Variants in GALNT13 observed in about 807,000 individuals in gnomAD.
The protein encoded by GALNT13 is UDP-GalNAc:polypeptide N-acetylgalactosaminyltransferase 13.
A neutral mutation model predicts 64.2 loss-of-function variants in GALNT13; 28 were observed. The ratio of observed to expected loss-of-function variants is 0.44; its 90% CI spans 0.32 to 0.60. The LOEUF is 0.60. Among genes scored for constraint, GALNT13 ranks in the 20% least tolerant of loss-of-function variants. The pLI, the probability that GALNT13 is intolerant of heterozygous loss-of-function variation, is 0.05. For missense variants in GALNT13, 577 were observed against 669.8 expected (o/e 0.86, Z 1.53); for synonymous variants, 214 against 224.6 (o/e 0.95, Z 0.42).
the GALNT13 span, among the ~76,000 whole-genome samples, chr2:153,841,733 A>G: frequency 6.6e-6 from 1 of 152,172 alleles, no homozygotes; most frequent in African/African-American, 2.4e-5. Flanking sequence ...GAGCATCTGT[A>G]TTATGGTTTG....
intron 12 of GALNT13, among the ~76,000 whole-genome samples, chr2:154,442,199 T>C (rs953799163): frequency 6.6e-6 from 1 of 152,152 alleles, no homozygotes; most frequent in Non-Finnish European, 1.5e-5. Flanking sequence ...ATATGGTCCA[T>C]TTAGCTAAAT....
At chr2:153,627,090 G>T in the GALNT13 span, among the ~76,000 whole-genome samples, 1 of 152,044 alleles carries the variant, frequency 6.6e-6, no homozygotes. Flanking sequence ...GAGCATTGTT[G>T]TGTGGGAATG....
chr2:154,036,000 G>T (rs181997656), intron 3 of GALNT13, among the ~76,000 whole-genome samples: 2 of 151,986 alleles, frequency 1.3e-5, no homozygotes, highest in East Asian at 3.9e-4. Context: ...CTTTTCTGAT[G>T]ATTTCATTGC....
intron 4 of GALNT13, among the ~76,000 whole-genome samples, chr2:154,240,112 A>T (rs545814475): frequency 6.6e-6 from 1 of 152,152 alleles, no homozygotes; most frequent in African/African-American, 2.4e-5. Context: ...AAACCTTTTG[A>T]CATTTTTTAA....
At position 154,332,849 on chromosome 2, in the gene GALNT13, A is replaced by G. The variant is rs140398252; in HGVS notation, c.1156+31260A>G. 9.5e-3 allele frequency among the ~76,000 whole-genome samples: 1,453 copies of G among 152,276 alleles called. 25 individuals carry two copies. Among genetic ancestry groups the G allele is most frequent in the African/African-American group, 0.033 (1,367 of 41,572 alleles). ...CAAATGAATGAAGAATAAGAAATCT[A>G]TCTTCTCATGTACATATTTTCACTA... On this transcript the variant is annotated intron_variant, in intron 9 of 12. Coordinates refer to ENST00000392825, the MANE Select transcript of GALNT13 (RefSeq NM_052917.4).
the GALNT13 span, among the ~76,000 whole-genome samples, chr2:153,764,608 C>A: frequency 5.3e-5 from 8 of 152,262 alleles, no homozygotes; most frequent in East Asian, 7.7e-4. Context: ...GAAAAGAAAA[C>A]CCCATTTTCA....
At chr2:153,982,800 C>T (rs1322786646) in intron 3 of GALNT13, among the ~76,000 whole-genome samples, 2 of 151,766 alleles carry the variant, frequency 1.3e-5, no homozygotes, top group East Asian at 3.9e-4. Context: ...TAATTTTATA[C>T]AAAAATAATC....
At chr2:154,325,824 A>T (rs1331753724) in intron 9 of GALNT13, among the ~76,000 whole-genome samples, 3 of 152,138 alleles carry the variant, frequency 2.0e-5, no homozygotes, top group Non-Finnish European at 2.9e-5. Context: ...TATGGTATAT[A>T]ACTAGCTTAG....
chr2:153,464,062 C>T, the GALNT13 span, among the ~76,000 whole-genome samples: 2 of 152,006 alleles, frequency 1.3e-5, no homozygotes, highest in African/African-American at 4.8e-5. Context: ...AAAGATTGTC[C>T]AGGCATCCCT....
the GALNT13 span, among the ~76,000 whole-genome samples, chr2:153,675,853 C>G: frequency 6.6e-6 from 1 of 152,020 alleles, no homozygotes; most frequent in Non-Finnish European, 1.5e-5. Flanking sequence ...ATTTTTGGGA[C>G]ATGGCTAAAG....
chr2:153,801,504 C>G, the GALNT13 span, among the ~76,000 whole-genome samples: 9 of 152,156 alleles, frequency 5.9e-5, no homozygotes, highest in South Asian at 2.1e-4. Context: ...GATGAATGAA[C>G]AGCTGGTAGG....
At chr2:153,524,743 T>C in the GALNT13 span, among the ~76,000 whole-genome samples, 1 of 152,154 alleles carries the variant, frequency 6.6e-6, no homozygotes, top group Admixed American at 6.5e-5. Flanking sequence ...AGTTGAAACT[T>C]GAGTTCCTAC....
rs1699261494 is a variant in GALNT13 at position 154,400,667 on chromosome 2, A to G, written c.1296+4537A>G. On this transcript the variant is annotated intron_variant, in intron 10 of 12. Transcript: ENST00000392825. ...GAATTACATGCAGTTTCCAATGGGA[A>G]GTTAAAAGCTGTGCAATTGCTTTGA... 2.6e-5 allele frequency among the ~76,000 whole-genome samples: 4 copies of G among 152,188 alleles called. No homozygotes were observed. In the South Asian group the frequency reaches 8.3e-4, roughly 31 times the overall value.
the GALNT13 span, among the ~76,000 whole-genome samples, chr2:153,431,160 A>C: frequency 2.8e-3 from 429 of 152,142 alleles, 4 homozygotes; most frequent in Non-Finnish European, 4.5e-3. Flanking sequence ...AAAAAAAAAA[A>C]AACAAAAAAA....
chr2:153,404,824 T>C, the GALNT13 span, among the ~76,000 whole-genome samples: 2 of 152,230 alleles, frequency 1.3e-5, no homozygotes, highest in Non-Finnish European at 2.9e-5. Flanking sequence ...TTCAACATTC[T>C]AGTCTATAGT....
the GALNT13 span, among the ~76,000 whole-genome samples, chr2:153,261,552 T>C: frequency 1.5e-3 from 235 of 152,306 alleles, no homozygotes; most frequent in Middle Eastern, 0.014. Flanking sequence ...TACTCTGTTC[T>C]GAAATGCCTG....
chr2:153,754,860 C>T, the GALNT13 span, among the ~76,000 whole-genome samples: 2 of 152,148 alleles, frequency 1.3e-5, no homozygotes, highest in African/African-American at 4.8e-5. Context: ...TCAAATTCTG[C>T]CTGCTGGAAT....
At chr2:153,594,213 A>C in the GALNT13 span, among the ~76,000 whole-genome samples, 59 of 152,226 alleles carry the variant, frequency 3.9e-4, 1 homozygote, top group African/African-American at 1.4e-3. Context: ...CAGCTGCTGG[A>C]TATTAATTCC....
chr2:153,634,592 C>G, the GALNT13 span, among the ~76,000 whole-genome samples: 2 of 145,520 alleles, frequency 1.4e-5, no homozygotes, highest in African/African-American at 5.1e-5. Flanking sequence ...GCTCTGTCAC[C>G]CAGGCTGGAG....
Sources: gnomAD v4.1 joint callset for allele counts (sites outside exome capture counted in the v4.1 genomes callset) on GRCh38, gnomAD v4.1.1 for gene constraint, MANE v1.5 for transcripts, NCBI Gene and HGNC (gene_info 2026-07-23, HGNC 2026-07-21) for gene names.